Variants in TMEM108 observed in about 807,000 individuals in gnomAD.
The protein encoded by TMEM108 is transmembrane protein 108.
In TMEM108, 12 loss-of-function variants were observed where a neutral mutation model predicts 35.1. The ratio of observed to expected loss-of-function variants is 0.34; its 90% CI spans 0.22 to 0.55. The LOEUF (loss-of-function observed/expected upper bound fraction) is 0.55. Among genes scored for constraint, TMEM108 ranks in the 20% least tolerant of loss-of-function variants. The pLI, the probability that TMEM108 is intolerant of heterozygous loss-of-function variation, is 0.89. For missense variants in TMEM108, 680 were observed against 753.3 expected (o/e 0.90, Z 1.14); for synonymous variants, 287 against 308.6 (o/e 0.93, Z 0.73).
intron 3 of TMEM108, among the ~76,000 whole-genome samples, chr3:133,236,844 A>G (rs892326179): frequency 2.6e-5 from 4 of 152,000 alleles, no homozygotes; most frequent in Admixed American, 1.3e-4. Context: ...AAAGCCCCCA[A>G]CATGCTACCT....
At chr3:133,226,478 T>A (rs1946072816) in intron 2 of TMEM108, among the ~76,000 whole-genome samples, 1 of 152,118 alleles carries the variant, frequency 6.6e-6, no homozygotes, top group Non-Finnish European at 1.5e-5. Context: ...TAGAGTCAGG[T>A]TGGAATTTGG....
At chr3:133,386,621 T>A in intron 4 of TMEM108, 1 of 1,436,038 alleles carries the variant, frequency 7.0e-7, no homozygotes, top group Non-Finnish European at 9.1e-7. Flanking sequence ...TGGGACTCCA[T>A]GACCTCCTCC....
At chr3:133,270,457 A>T (rs1221181771) in intron 3 of TMEM108, among the ~76,000 whole-genome samples, 1 of 152,190 alleles carries the variant, frequency 6.6e-6, no homozygotes, top group Non-Finnish European at 1.5e-5. Flanking sequence ...AGAGTTTGTG[A>T]CGTTCCCTAG....
Position 133,396,158 on chromosome 3 carries a change from A to G in TMEM108, c.*172A>G. 1 of 320,860 alleles carries G rather than the reference A, an allele frequency of 3.1e-6. No individual in the cohort carries two copies. The highest frequency in any genetic ancestry group is 1.3e-4 in the South Asian group (1 of 7,564). The allele number at this position is 320,860 out of a possible 1,614,324, so 19.9% of individuals were successfully genotyped here. On this transcript the variant is annotated 3_prime_UTR_variant, in exon 6 of 6. Coordinates refer to ENST00000321871, the MANE Select transcript of TMEM108 (RefSeq NM_023943.4). Reference sequence around the variant, plus strand: ...TTTTTACAAGTGTGGTTTAAAAAAAAAAAAAACTTTACAGAATGATCTGTG... The same window carrying G: ...TTTTTACAAGTGTGGTTTAAAAAAAGAAAAAACTTTACAGAATGATCTGTG...
At position 133,297,840 on chromosome 3, in the gene TMEM108, G is replaced by C. The variant is rs146847812; in HGVS notation, c.40+68489G>C. 4.3e-3 allele frequency among the ~76,000 whole-genome samples: 651 copies of C among 152,332 alleles called. 6 individuals carry two copies. Among genetic ancestry groups the C allele is most frequent in the African/African-American group, 0.015 (603 of 41,564 alleles). ...TCCAGGCGAAAGCTGATAAGATACT[G>C]AGATCAGAGAATGAGGAAAGGAAGG... On this transcript the variant is annotated intron_variant, in intron 3 of 5. Transcript: ENST00000321871.
chr3:133,308,291 T>C (rs2071072891), intron 3 of TMEM108, among the ~76,000 whole-genome samples: 1 of 152,300 alleles, frequency 6.6e-6, no homozygotes, highest in Non-Finnish European at 1.5e-5. Flanking sequence ...AAATAGACAA[T>C]CATGTCATCT....
chr3:133,174,083 A>G (rs971210149), intron 2 of TMEM108, among the ~76,000 whole-genome samples: 2 of 152,238 alleles, frequency 1.3e-5, no homozygotes, highest in South Asian at 2.1e-4. Context: ...GCTCATTGCT[A>G]GCACAGCAGT....
At chr3:133,353,181 G>A (rs1262465809) in intron 3 of TMEM108, among the ~76,000 whole-genome samples, 1 of 152,200 alleles carries the variant, frequency 6.6e-6, no homozygotes, top group Non-Finnish European at 1.5e-5. Context: ...TGACATGCTG[G>A]GGGTGGAGGA....
At chr3:133,273,353 A>T (rs1406707379) in intron 3 of TMEM108, among the ~76,000 whole-genome samples, 2 of 152,162 alleles carry the variant, frequency 1.3e-5, no homozygotes, top group African/African-American at 4.8e-5. Flanking sequence ...CCAGACTCTT[A>T]GATTCTTTCT....
chr3:133,355,412 G>T (rs2072133592), intron 3 of TMEM108, among the ~76,000 whole-genome samples: 1 of 152,130 alleles, frequency 6.6e-6, no homozygotes, highest in African/African-American at 2.4e-5. Flanking sequence ...AATATTGGTT[G>T]TAGTTGTTCA....
At chr3:133,087,549 T>C (rs1462354506) in intron 2 of TMEM108, among the ~76,000 whole-genome samples, 4 of 152,196 alleles carry the variant, frequency 2.6e-5, no homozygotes, top group African/African-American at 9.7e-5. Flanking sequence ...GTCATGAAAC[T>C]GTGGCATTGT....
chr3:133,331,226 T>C (rs1461882991), intron 3 of TMEM108, among the ~76,000 whole-genome samples: 1 of 152,190 alleles, frequency 6.6e-6, no homozygotes, highest in East Asian at 1.9e-4. Context: ...AACATTTTAC[T>C]AAAGGGAATA....
intron 3 of TMEM108, among the ~76,000 whole-genome samples, chr3:133,375,631 G>C (rs949178169): frequency 1.3e-5 from 2 of 152,208 alleles, no homozygotes; most frequent in African/African-American, 4.8e-5. Context: ...AGTGTGCATA[G>C]CATTCAGTTG....
rs995689120 is a variant in TMEM108 at position 133,084,887 on chromosome 3, G to A, written c.-47+38867G>A. The stretch of plus-strand genomic sequence containing the variant: ...TTATTAAGGAAACCATAGTGCAAAG[G>A]GGGAAGGGGTTTCTCCAGGACACGC... On this transcript the variant is annotated intron_variant, in intron 2 of 5. Coordinates refer to ENST00000321871, the MANE Select transcript of TMEM108 (RefSeq NM_023943.4). Among the ~76,000 whole-genome samples the A allele has an allele frequency of 2.6e-5, 4 of 152,148 alleles. No homozygotes were observed. The South Asian group carries it at 8.3e-4, about 32-fold the overall frequency.
chr3:133,363,739 T>C (rs971940361), intron 3 of TMEM108, among the ~76,000 whole-genome samples: 17 of 152,198 alleles, frequency 1.1e-4, no homozygotes, highest in Admixed American at 1.1e-3. Flanking sequence ...CTTAGGTCAG[T>C]ACTGTCCAAT....
At chr3:133,057,292 T>G (rs575415407) in intron 2 of TMEM108, among the ~76,000 whole-genome samples, 6 of 152,138 alleles carry the variant, frequency 3.9e-5, no homozygotes, top group Admixed American at 3.9e-4. Context: ...TACTCCCTTT[T>G]CTCTATTTTC....
intron 3 of TMEM108, among the ~76,000 whole-genome samples, chr3:133,249,021 G>A (rs1946426461): frequency 6.6e-6 from 1 of 152,178 alleles, no homozygotes; most frequent in South Asian, 2.1e-4. Flanking sequence ...GGGTGCTGGT[G>A]GGCCTCCTCC....
rs140219666 is a variant in TMEM108 at position 133,252,550 on chromosome 3, G to A, written c.40+23199G>A. Among the ~76,000 whole-genome samples, 954 of 152,284 alleles carry A rather than the reference G, an allele frequency of 6.3e-3. 12 individuals carry two copies. Among genetic ancestry groups the A allele is most frequent in the African/African-American group, 0.022 (897 of 41,554 alleles). ...GTTCTGATCAACATTTCTTAAAATA[G>A]TATGTAAGAAAGTCTTGTTTCTTAA... On this transcript the variant is annotated intron_variant, in intron 3 of 5. Coordinates refer to ENST00000321871, the MANE Select transcript of TMEM108 (RefSeq NM_023943.4).
At chr3:133,068,877 CTG>C (rs921470554) in intron 2 of TMEM108, among the ~76,000 whole-genome samples, 2 of 152,114 alleles carry the variant, frequency 1.3e-5, no homozygotes, top group Non-Finnish European at 2.9e-5. Context: ...GAAGAAATAA[CTG>C]TTGCCAGAAG....
Sources: gnomAD v4.1 joint callset for allele counts (sites outside exome capture counted in the v4.1 genomes callset) on GRCh38, gnomAD v4.1.1 for gene constraint, MANE v1.5 for transcripts, NCBI Gene and HGNC (gene_info 2026-07-23, HGNC 2026-07-21) for gene names.